HDAC4: variants seen among roughly 807,000 people sequenced by gnomAD.
The protein encoded by HDAC4 is histone deacetylase 4.
A neutral mutation model predicts 135.1 loss-of-function variants in HDAC4; 16 were observed. That is an observed-to-expected ratio of 0.12 (90% CI 0.08 to 0.18). The LOEUF (loss-of-function observed/expected upper bound fraction) is 0.18, where lower values mean the gene tolerates loss of function less well. HDAC4 is among the 10% of genes least tolerant of loss of function. The probability of loss-of-function intolerance (pLI) is 1.00; values close to 1 mark genes in which losing one functional copy is unlikely to be tolerated. For missense variants in HDAC4, 1,143 were observed against 1,511.8 expected (o/e 0.76, Z 4.05); for synonymous variants, 685 against 653.4 (o/e 1.05, Z -0.74).
intron 17 of HDAC4, among the ~76,000 whole-genome samples, chr2:239,093,049 G>A (rs1000476524): frequency 3.3e-5 from 5 of 152,176 alleles, no homozygotes; most frequent in East Asian, 3.9e-4. Flanking sequence ...CAGAGGAGCC[G>A]CGGGGAGCCG....
chr2:239,140,606 C>T (rs1303754040), intron 8 of HDAC4, among the ~76,000 whole-genome samples: 8 of 152,206 alleles, frequency 5.3e-5, no homozygotes, highest in African/African-American at 1.7e-4. Flanking sequence ...CCAAAGAAAA[C>T]ACAATGTGAC....
At chr2:239,183,444 C>T (rs1210633933) in intron 4 of HDAC4, among the ~76,000 whole-genome samples, 3 of 152,240 alleles carry the variant, frequency 2.0e-5, no homozygotes, top group South Asian at 2.1e-4. Context: ...ACGCCACGGA[C>T]GGTAAGCTGC....
intron 6 of HDAC4, among the ~76,000 whole-genome samples, chr2:239,157,947 C>T (rs967637006): frequency 1.3e-5 from 2 of 152,188 alleles, no homozygotes; most frequent in African/African-American, 4.8e-5. Context: ...AACTGCACAG[C>T]TTCAGGCCAC....
chr2:239,098,489 C>G (rs1435408909), intron 16 of HDAC4, among the ~76,000 whole-genome samples: 1 of 152,250 alleles, frequency 6.6e-6, no homozygotes, highest in African/African-American at 2.4e-5. Context: ...GGCACCCACT[C>G]GCCAGGGGCC....
intron 1 of HDAC4, among the ~76,000 whole-genome samples, chr2:239,357,589 G>C (rs1693578150): frequency 6.6e-6 from 1 of 151,852 alleles, no homozygotes; most frequent in Non-Finnish European, 1.5e-5. Context: ...ACAATATCGA[G>C]AATGAGAGAG....
intron 16 of HDAC4, among the ~76,000 whole-genome samples, chr2:239,098,743 A>G (rs574032678): frequency 3.5e-4 from 54 of 152,364 alleles, no homozygotes; most frequent in African/African-American, 1.2e-3. Flanking sequence ...TAAACACCTC[A>G]TTAGGGTTAT....
chr2:239,078,270 C>T lies in HDAC4; in HGVS notation c.2750+2825G>A, dbSNP rs573390583. On this transcript the variant is annotated intron_variant, in intron 22 of 26. Transcript: ENST00000543185. Reference sequence around the variant, plus strand: ...GTCTCCGGGCCTGAGGAGAAAGTGCCGGCTGCTTCTGGATTTCATTAGGGG... The same window carrying T: ...GTCTCCGGGCCTGAGGAGAAAGTGCTGGCTGCTTCTGGATTTCATTAGGGG... Among the ~76,000 whole-genome samples, 15 of 152,304 alleles carry T rather than the reference C, an allele frequency of 9.8e-5. No individual in the cohort carries two copies. The South Asian group carries it at 2.5e-3, about 25-fold the overall frequency.
chr2:239,097,037 G>A (rs1475863926), intron 16 of HDAC4, among the ~76,000 whole-genome samples: 4 of 152,186 alleles, frequency 2.6e-5, no homozygotes, highest in East Asian at 1.9e-4. Flanking sequence ...GGATAGGCCC[G>A]GCCCCCATCT....
chr2:239,139,762 G>C lies in HDAC4; in HGVS notation c.900C>G (p.Pro300=), dbSNP rs993404421. 2 of 1,614,136 alleles carry C rather than the reference G, an allele frequency of 1.2e-6. No homozygotes were observed. The highest frequency in any genetic ancestry group is 1.7e-6 in the Non-Finnish European group (2 of 1,180,000). Residue 300 remains proline, a synonymous_variant, in exon 9 of 27, where the codon CCC becomes CCG. Transcript: ENST00000543185. This position sits in a 1 kb window ranked among gnomAD's most constrained non-coding sequence, Gnocchi z 5.3. ...SACSSAPGSG[P]SSPNNSSGSV... is the part of the protein sequence containing the mutation. ...TCCCGGAGCTGTTGTTGGGTGAGCTGGGTCCGGAGCCTGGGGCGCTGCTGC... is the reference window on the plus strand; with the variant it reads ...TCCCGGAGCTGTTGTTGGGTGAGCTCGGTCCGGAGCCTGGGGCGCTGCTGC...
rs2052959594 is a variant in HDAC4 at position 239,313,036 on chromosome 2, T to G, written c.22+39642A>C. Among the ~76,000 whole-genome samples the G allele has an allele frequency of 6.6e-6, 1 of 151,736 alleles. No individual in the cohort carries two copies. Among genetic ancestry groups the G allele is most frequent in the Non-Finnish European group, 1.5e-5 (1 of 67,914 alleles). On this transcript the variant is annotated intron_variant, in intron 2 of 26. Coordinates refer to ENST00000543185, the MANE Select transcript of HDAC4 (RefSeq NM_001378414.1). The surrounding 1 kb of genome is among the most constrained non-coding windows in gnomAD (Gnocchi z 5.1). The stretch of plus-strand genomic sequence containing the variant: ...CGGGGGCAGCCTGCAGAGCAAGGAG[T>G]CAAGGTGGCCAGCCTGGGGCAGGGT...
Position 239,361,014 on chromosome 2 carries a change from T to C in HDAC4, c.-219-8096A>G, listed in dbSNP as rs192629266. ...CCACGTCCCACCTCCCAGAAACTGCTCCTGATCGCCCCACCCCAGACGCTC... is the reference window on the plus strand; with the variant it reads ...CCACGTCCCACCTCCCAGAAACTGCCCCTGATCGCCCCACCCCAGACGCTC... On this transcript the variant is annotated intron_variant, in intron 1 of 26. Transcript: ENST00000543185. Among the ~76,000 whole-genome samples, 5 of 152,302 alleles carry C rather than the reference T, an allele frequency of 3.3e-5. No homozygotes were observed. In the East Asian group the frequency reaches 9.7e-4, roughly 29 times the overall value.
chr2:239,321,397 G>C (rs933478839), intron 2 of HDAC4, among the ~76,000 whole-genome samples: 6 of 147,628 alleles, frequency 4.1e-5, no homozygotes, highest in African/African-American at 7.5e-5. Context: ...CCCGGGAGAC[G>C]GAGCTTGCAG....
chr2:239,211,948 C>T (rs367726706), intron 3 of HDAC4, among the ~76,000 whole-genome samples: 1 of 152,120 alleles, frequency 6.6e-6, no homozygotes, highest in Non-Finnish European at 1.5e-5. Flanking sequence ...TAGACTTCAG[C>T]GTGAAGGTAC....
At chr2:239,103,282 C>A (rs1005530945) in intron 15 of HDAC4, among the ~76,000 whole-genome samples, 1 of 152,128 alleles carries the variant, frequency 6.6e-6, no homozygotes, top group African/African-American at 2.4e-5. Context: ...GAAACCCCAG[C>A]CGCGCTCCCG....
chr2:239,391,661 C>T (rs1696223195), intron 1 of HDAC4, among the ~76,000 whole-genome samples: 1 of 152,216 alleles, frequency 6.6e-6, no homozygotes, highest in South Asian at 2.1e-4. Flanking sequence ...TCACTCAACA[C>T]CCCAGAGCCA....
intron 3 of HDAC4, among the ~76,000 whole-genome samples, chr2:239,194,620 T>C (rs1202040557): frequency 6.6e-6 from 1 of 152,166 alleles, no homozygotes; most frequent in African/African-American, 2.4e-5. Flanking sequence ...GACAGGACCC[T>C]ATGGGGGAAG....
intron 2 of HDAC4, among the ~76,000 whole-genome samples, chr2:239,272,410 A>G (rs1045210210): frequency 1.3e-5 from 2 of 152,254 alleles, no homozygotes; most frequent in Non-Finnish European, 2.9e-5. Flanking sequence ...TGCAAACCAT[A>G]TATCTGATCA....
At chr2:239,382,882 G>A (rs946125642) in intron 1 of HDAC4, among the ~76,000 whole-genome samples, 13 of 152,054 alleles carry the variant, frequency 8.5e-5, no homozygotes, top group African/African-American at 2.7e-4. Context: ...GAGCCACCAC[G>A]ACTGGCTAAC....
intron 2 of HDAC4, among the ~76,000 whole-genome samples, chr2:239,237,877 T>C (rs558727444): frequency 5.9e-4 from 90 of 152,198 alleles, no homozygotes; most frequent in African/African-American, 2.1e-3. Flanking sequence ...CAGCAGCTCC[T>C]CCCAAGTCTC....
Sources: allele counts gnomAD v4.1 joint callset (sites outside exome capture counted in the v4.1 genomes callset), GRCh38; gene constraint gnomAD v4.1.1; non-coding constraint Gnocchi (gnomAD v3.1); transcripts MANE v1.5; gene names NCBI Gene and HGNC (gene_info 2026-07-23, HGNC 2026-07-21).